The following TELO2 variants were observed in gnomAD, a reference collection of about 807,000 sequenced individuals.
TELO2 encodes telomere maintenance 2, also known as telomere length regulation protein TEL2 homolog.
In TELO2, 71 loss-of-function variants were observed where a neutral mutation model predicts 91.0. The observed-to-expected ratio is 0.78, with a 90% CI of 0.64 to 0.95. The LOEUF is 0.95. Among genes scored for constraint, TELO2 ranks in the 40% least tolerant of loss-of-function variants. The pLI is 0.00. For missense variants in TELO2, 1,183 were observed against 1,141.3 expected (o/e 1.04, Z -0.53); for synonymous variants, 584 against 518.9 (o/e 1.13, Z -1.71).
chr16:1,500,371 TG>T lies in TELO2; in HGVS notation c.1031del (p.Gly344AlafsTer44). 6.3e-7 allele frequency: 1 copy of T among 1,595,360 alleles called. No individual in the cohort carries two copies. Among genetic ancestry groups the T allele is most frequent in the Non-Finnish European group, 8.5e-7 (1 of 1,172,940 alleles). ...GGTGCTGAAGGAGCTGTTGGAGACGTGGGGCAGCAGCAGTGCCATCCGCCAC... is the reference window on the plus strand; with the variant it reads ...GGTGCTGAAGGAGCTGTTGGAGACGTGGGCAGCAGCAGTGCCATCCGCCAC... ...LQVLKELLET[W>X]GSSSAIRHTP... On this transcript the variant is annotated frameshift_variant, in exon 8 of 21. Transcript: ENST00000262319. LOFTEE classifies it high-confidence loss of function.
In TELO2 at chr16:1,494,783, G is replaced by C. The variant is rs1451920042; in HGVS notation, c.335+167G>C. On this transcript the variant is annotated intron_variant, in intron 2 of 20. Coordinates refer to ENST00000262319, the MANE Select transcript of TELO2 (RefSeq NM_016111.4). The surrounding 1 kb of genome is among the most constrained non-coding windows in gnomAD (Gnocchi z 5.6). Reference sequence around the variant, plus strand: ...GAAGCGGTCTGTGTCTGTCTCCTTTGCGACGGGAGGCACCTGCTGTGTCTC... The same window carrying C: ...GAAGCGGTCTGTGTCTGTCTCCTTTCCGACGGGAGGCACCTGCTGTGTCTC... 3.3e-5 allele frequency among the ~76,000 whole-genome samples: 5 copies of C among 152,178 alleles called. No homozygotes were observed. The highest frequency in any genetic ancestry group is 7.4e-5 in the Non-Finnish European group (5 of 68,026).
chr16:1,501,041 G>A (rs565995875), intron 9 of TELO2, among the ~76,000 whole-genome samples: 1 of 152,358 alleles, frequency 6.6e-6, no homozygotes, highest in East Asian at 1.9e-4. Flanking sequence ...CTGGGTCGGT[G>A]GCCGTGGGTG....
chr16:1,509,341 C>T (rs192067757), intron 20 of TELO2, among the ~76,000 whole-genome samples: 1 of 152,190 alleles, frequency 6.6e-6, no homozygotes, highest in Non-Finnish European at 1.5e-5. Context: ...CAGAGCCCCC[C>T]CAAGGCTCCC....
In TELO2 at chr16:1,509,990, G is replaced by C; in HGVS notation, c.*54G>C. Reference sequence around the variant, plus strand: ...CGCCGACAGCAAGGCAGGCGGCTGAGCAGCGGCCTGGAGCAGCAGAGCCAG... The same window carrying C: ...CGCCGACAGCAAGGCAGGCGGCTGACCAGCGGCCTGGAGCAGCAGAGCCAG... On this transcript the variant is annotated 3_prime_UTR_variant, in exon 21 of 21. Transcript: ENST00000262319. 2 of 1,476,902 alleles carry C rather than the reference G, an allele frequency of 1.4e-6. No homozygotes were observed. The allele number at this position is 1,476,902 out of a possible 1,614,324, so 91.5% of individuals were successfully genotyped here.
chr16:1,497,535 G>T lies in TELO2; in HGVS notation c.830+27G>T. ...TAAGCAGCCAGGCTGTCCTCCAGCTGCACTGGCTTCTGGGGTCTGGACCCC... is the reference window on the plus strand; with the variant it reads ...TAAGCAGCCAGGCTGTCCTCCAGCTTCACTGGCTTCTGGGGTCTGGACCCC... On this transcript the variant is annotated intron_variant, in intron 5 of 20. Transcript: ENST00000262319. This position sits in a 1 kb window ranked among gnomAD's most constrained non-coding sequence, Gnocchi z 4.0. 3 of 1,534,066 alleles carry T rather than the reference G, an allele frequency of 2.0e-6. No individual in the cohort carries two copies. The highest frequency in any genetic ancestry group is 2.6e-6 in the Non-Finnish European group (3 of 1,142,550).
intron 14 of TELO2, 48 bp from the exon 15 acceptor site, chr16:1,502,883 G>T: frequency 6.2e-7 from 1 of 1,606,776 alleles, no homozygotes. Context: ...GTCGCCCCGG[G>T]TGGCCCTCAG....
At chr16:1,500,047 G>T (rs200315660) in intron 6 of TELO2, 49 bp from the exon 7 acceptor site, 2 of 1,575,840 alleles carry the variant, frequency 1.3e-6, no homozygotes, top group Non-Finnish European at 1.7e-6. Flanking sequence ...CCCCGGGCTG[G>T]CCAGGCGGCG....
intron 3 of TELO2, among the ~76,000 whole-genome samples, chr16:1,496,317 C>T (rs916511089): frequency 1.3e-5 from 2 of 152,176 alleles, no homozygotes; most frequent in South Asian, 2.1e-4. Flanking sequence ...CCGGGCCCCT[C>T]GAGTCCCTGC....
At chr16:1,509,611 C>A (rs529384674) in intron 20 of TELO2, among the ~76,000 whole-genome samples, 1 of 152,242 alleles carries the variant, frequency 6.6e-6, no homozygotes, top group Non-Finnish European at 1.5e-5. Context: ...GCCTGTCCCG[C>A]GGCTCAGGGC....
rs1240715586 is a variant in TELO2 at position 1,494,836 on chromosome 16, G to A, written c.335+220G>A. Among the ~76,000 whole-genome samples, 2 of 152,194 alleles carry A rather than the reference G, an allele frequency of 1.3e-5. No homozygotes were observed. The highest frequency in any genetic ancestry group is 2.9e-5 in the Non-Finnish European group (2 of 68,036). On this transcript the variant is annotated intron_variant, in intron 2 of 20. Transcript: ENST00000262319. The surrounding 1 kb of genome is among the most constrained non-coding windows in gnomAD (Gnocchi z 5.6). ...AAAGTCCCCCACTTGCTCCCCGTCC[G>A]GCTGTGTCAGAGAGGGATGGGGTGG...
intron 15 of TELO2, among the ~76,000 whole-genome samples, chr16:1,504,244 C>T (rs1401790325): frequency 1.3e-5 from 2 of 151,390 alleles, no homozygotes; most frequent in East Asian, 3.9e-4. Context: ...ACCAGCCTCG[C>T]CAACATGGTG....
rs565430721 is a variant in TELO2, at chr16:1,495,990, G to C, written c.613+367G>C. 6.6e-5 allele frequency among the ~76,000 whole-genome samples: 10 copies of C among 152,318 alleles called. 1 individual carries two copies. In the South Asian group the frequency reaches 2.1e-3, roughly 32 times the overall value. ...GCCCGCTGCTGGGCTGCAGGGCCCC[G>C]TGAGCGCCCATGCTCGCTCTGTTTT... On this transcript the variant is annotated intron_variant, in intron 3 of 20. Transcript: ENST00000262319.
intron 13 of TELO2, 118 bp from the exon 14 acceptor site, chr16:1,502,527 G>T: frequency 1.3e-6 from 2 of 1,503,390 alleles, no homozygotes; most frequent in South Asian, 1.2e-5. Context: ...GCCTCTCCCG[G>T]GGGGCCTGCG....
At chr16:1,500,312 G>T (rs774328798) in intron 7 of TELO2, 35 bp from the exon 8 acceptor site, 7 of 1,550,734 alleles carry the variant, frequency 4.5e-6, no homozygotes, top group Non-Finnish European at 6.1e-6. Flanking sequence ...GACTGGCCCC[G>T]AGCCCCACAC....
Position 1,509,979 on chromosome 16 carries a change from C to G in TELO2, c.*43C>G, listed in dbSNP as rs2040075464. On this transcript the variant is annotated 3_prime_UTR_variant, in exon 21 of 21. Coordinates refer to ENST00000262319, the MANE Select transcript of TELO2 (RefSeq NM_016111.4). ...AGGACCACCCTCGCCGACAGCAAGG[C>G]AGGCGGCTGAGCAGCGGCCTGGAGC... 6.6e-7 allele frequency: 1 copy of G among 1,525,526 alleles called. No homozygotes were observed. Among genetic ancestry groups the G allele is most frequent in the Admixed American group, 1.9e-5 (1 of 51,720 alleles). 94.5% of individuals were successfully genotyped at this position (1,525,526 alleles called of 1,614,324 possible).
rs752869170 is a variant in TELO2 at position 1,503,003 on chromosome 16, G to A, written c.1842+1G>A. 1.9e-6 allele frequency: 3 copies of A among 1,610,000 alleles called. No individual in the cohort carries two copies. The highest frequency in any genetic ancestry group is 2.5e-6 in the Non-Finnish European group (3 of 1,179,996). ...CCGGCAGCGCATGGACATCCTGGAT[G>A]TAAGTGCCTCCTGGGCCTCAGTCCC... On this transcript the variant is annotated splice_donor_variant, in intron 15 of 20. Transcript: ENST00000262319. LOFTEE classifies it high-confidence loss of function.
At chr16:1,496,392 C>A (rs914380985) in intron 3 of TELO2, among the ~76,000 whole-genome samples, 3 of 152,352 alleles carry the variant, frequency 2.0e-5, no homozygotes, top group East Asian at 3.9e-4. Context: ...CCTCCTGAGC[C>A]CCTCCTGTCT....
Position 1,510,091 on chromosome 16 carries a change from A to G in TELO2, c.*155A>G. ...ATGCAGGAAGGCCCGGCCTGCCGCTATTTATAGTGCAGCCAGTCCGCTAAA... is the reference window on the plus strand; with the variant it reads ...ATGCAGGAAGGCCCGGCCTGCCGCTGTTTATAGTGCAGCCAGTCCGCTAAA... On this transcript the variant is annotated 3_prime_UTR_variant, in exon 21 of 21. Transcript: ENST00000262319. 1 of 641,596 alleles carries G rather than the reference A, an allele frequency of 1.6e-6. No individual in the cohort carries two copies. The highest frequency in any genetic ancestry group is 2.7e-6 in the Non-Finnish European group (1 of 372,606). 39.7% of individuals were successfully genotyped at this position (641,596 alleles called of 1,614,324 possible).
rs116187400 is a variant in TELO2 at position 1,509,006 on chromosome 16, G to A, written c.2408-824G>A. ...CCCAACCCCTCCTCAGCATGCTGTCGCCCACTCGCCCTGCCTGGAGGAGGA... is the reference window on the plus strand; with the variant it reads ...CCCAACCCCTCCTCAGCATGCTGTCACCCACTCGCCCTGCCTGGAGGAGGA... On this transcript the variant is annotated intron_variant, in intron 20 of 20. Coordinates refer to ENST00000262319, the MANE Select transcript of TELO2 (RefSeq NM_016111.4). Among the ~76,000 whole-genome samples the A allele has an allele frequency of 5.5e-3, 780 of 142,464 alleles. 9 individuals carry two copies. The highest frequency in any genetic ancestry group is 0.019 in the African/African-American group (742 of 39,968). The allele number at this position is 142,464 out of a possible 152,430, so 93.5% of individuals were successfully genotyped here. A position where few individuals can be genotyped will look rare whatever the true frequency, so the allele number is the denominator to read the frequency against.
Sources: allele counts gnomAD v4.1 joint callset (sites outside exome capture counted in the v4.1 genomes callset), GRCh38; gene constraint gnomAD v4.1.1; non-coding constraint Gnocchi (gnomAD v3.1); transcripts MANE v1.5; gene names NCBI Gene and HGNC (gene_info 2026-07-23, HGNC 2026-07-21).